The following ZFHX4 variants were observed in gnomAD, a reference collection of about 807,000 sequenced individuals.
The protein encoded by ZFHX4 is zinc finger homeobox 4.
ZFHX4 carries 56 observed loss-of-function variants against 267.6 expected under a neutral mutation model. That is an observed-to-expected ratio of 0.21 (90% CI 0.17 to 0.26). ZFHX4 has a LOEUF of 0.26. ZFHX4 is among the 10% of genes least tolerant of loss of function. ZFHX4 has a pLI of 1.00. For missense variants in ZFHX4, 4,332 were observed against 4,420.0 expected (o/e 0.98, Z 0.56); for synonymous variants, 1,778 against 1,665.6 (o/e 1.07, Z -1.64).
chr8:76,696,003 C>T (rs1385820381), intron 1 of ZFHX4, among the ~76,000 whole-genome samples: 2 of 152,134 alleles, frequency 1.3e-5, no homozygotes, highest in Non-Finnish European at 2.9e-5. Context: ...TTGGTGCTAA[C>T]TAATCATTTA....
chr8:76,831,783 C>CCT (rs1811939525), intron 4 of ZFHX4, among the ~76,000 whole-genome samples: 1 of 152,046 alleles, frequency 6.6e-6, no homozygotes, highest in African/African-American at 2.4e-5. Flanking sequence ...AGGAGGCTCA[C>CCT]AGAGGAAGAC....
intron 3 of ZFHX4, among the ~76,000 whole-genome samples, chr8:76,776,807 A>G (rs1211017510): frequency 2.0e-5 from 3 of 152,120 alleles, no homozygotes; most frequent in Non-Finnish European, 2.9e-5. Context: ...AAAAATACTA[A>G]AAGTGTCCAT....
In ZFHX4 at chr8:76,852,988, G is replaced by T. The variant is rs1021638009; in HGVS notation, c.6067G>T (p.Gly2023Cys). Residue 2023 changes from glycine to cysteine, a missense_variant, in exon 10 of 11, where the codon GGT becomes TGT. Physicochemically the swap from Gly to Cys is radical, Grantham distance 159. Around this residue, in one of 7 missense-constraint regions of ZFHX4, gnomAD observed 1,371 missense variants for 1,423.1 expected, o/e 0.96. Coordinates refer to ENST00000651372, the MANE Select transcript of ZFHX4 (RefSeq NM_024721.5). Reference protein sequence around the residue: ...PPAPPQPSSMGPVKIPNTVST... With the variant: ...PPAPPQPSSMCPVKIPNTVST... ...GGCTCCTCCACAGCCTTCTTCTATG[G>T]GTCCTGTAAAGATCCCCAACACGGT... The T allele has an allele frequency of 8.4e-6, 13 of 1,547,248 alleles. No individual in the cohort carries two copies. The Admixed American group carries it at 2.5e-4, about 30-fold the overall frequency.
chr8:76,702,664 C>T (rs1010738591), intron 1 of ZFHX4, among the ~76,000 whole-genome samples: 1 of 152,092 alleles, frequency 6.6e-6, no homozygotes, highest in East Asian at 1.9e-4. Flanking sequence ...AATATAGCAA[C>T]ATTAATCTTT....
At chr8:76,707,333 A>G (rs752633003) in intron 2 of ZFHX4, among the ~76,000 whole-genome samples, 2 of 152,206 alleles carry the variant, frequency 1.3e-5, no homozygotes, top group Admixed American at 1.3e-4. Flanking sequence ...GAATGACATC[A>G]TGCCCAGTAG....
chr8:76,727,390 CATA>C (rs1251007563), intron 3 of ZFHX4, among the ~76,000 whole-genome samples: 5 of 152,056 alleles, frequency 3.3e-5, no homozygotes, highest in African/African-American at 1.2e-4. Context: ...TCAACAAAAA[CATA>C]ATAATATAGA....
At position 76,851,831 on chromosome 8, in the gene ZFHX4, G is replaced by A. The variant is rs747016805; in HGVS notation, c.4910G>A (p.Ser1637Asn). ...AGTGGTCATGTGGCTGGTGGGCACA[G>A]CATTGCAGCAAATGTCAACAGCCCT... ...EPSGHVAGGH[S>N]IAANVNSPGQ... is the part of the protein sequence containing the mutation. Residue 1637 changes from serine to asparagine, a missense_variant, in exon 10 of 11, where the codon AGC (serine) becomes AAC (asparagine). Transcript: ENST00000651372. The A allele has an allele frequency of 1.9e-6, 3 of 1,613,938 alleles. No homozygotes were observed. Among genetic ancestry groups the A allele is most frequent in the Admixed American group, 3.3e-5 (2 of 60,030 alleles).
chr8:76,709,802 CGTGT>C (rs34448728), intron 3 of ZFHX4, among the ~76,000 whole-genome samples: 6,866 of 140,124 alleles, frequency 0.049, 160 homozygotes, highest in East Asian at 0.11. Context: ...CGTGTGTGTG[CGTGT>C]GTGTGTGTGT....
At chr8:76,791,850 A>G (rs1001851548) in intron 4 of ZFHX4, among the ~76,000 whole-genome samples, 11 of 152,190 alleles carry the variant, frequency 7.2e-5, no homozygotes, top group African/African-American at 2.7e-4. Context: ...AAAGTTGCAC[A>G]TTATATTATG....
rs1808205564 is a variant in ZFHX4 at position 76,704,844 on chromosome 8, G to A, written c.756G>A (p.Val252=). ...ATGGCTCAGCCAAAAACTCCTGTGT[G>A]TCCAAAGATGTCCCTAACAATGTGG... ...TSDGSAKNSC[V]SKDVPNNVDL... The change falls in exon 2 of 11, where the codon GTG becomes GTA. Residue 252 remains valine, a synonymous_variant. Coordinates refer to ENST00000651372, the MANE Select transcript of ZFHX4 (RefSeq NM_024721.5). 1 of 1,614,192 alleles carries A rather than the reference G, an allele frequency of 6.2e-7. No individual in the cohort carries two copies. Among genetic ancestry groups the A allele is most frequent in the Non-Finnish European group, 8.5e-7 (1 of 1,180,034 alleles).
At chr8:76,737,246 C>G (rs768244444) in intron 3 of ZFHX4, among the ~76,000 whole-genome samples, 2 of 152,086 alleles carry the variant, frequency 1.3e-5, no homozygotes, top group Non-Finnish European at 2.9e-5. Context: ...TTGACCTTTC[C>G]TTAGTTATAA....
At chr8:76,759,442 T>C (rs1563505665) in intron 3 of ZFHX4, among the ~76,000 whole-genome samples, 1 of 152,238 alleles carries the variant, frequency 6.6e-6, no homozygotes, top group East Asian at 1.9e-4. Context: ...CATAGTGATC[T>C]ATGTTGTCAT....
At chr8:76,703,337 A>G (rs1222268337) in intron 1 of ZFHX4, among the ~76,000 whole-genome samples, 1 of 152,174 alleles carries the variant, frequency 6.6e-6, no homozygotes, top group African/African-American at 2.4e-5. Context: ...GGATGATAGG[A>G]CTGGTTGCAG....
At chr8:76,784,212 GTTTTA>G (rs141649405) in intron 4 of ZFHX4, among the ~76,000 whole-genome samples, 46 of 151,044 alleles carry the variant, frequency 3.0e-4, no homozygotes, top group Middle Eastern at 3.4e-3. Context: ...GGGGGTTAAA[GTTTTA>G]TTTTATTTTA....
chr8:76,746,303 G>A (rs184442729), intron 3 of ZFHX4, among the ~76,000 whole-genome samples: 126 of 152,244 alleles, frequency 8.3e-4, no homozygotes, highest in African/African-American at 2.7e-3. Flanking sequence ...TACTTGGGAG[G>A]CTGTGGTGGG....
chr8:76,857,702 C>T (rs985886930), intron 10 of ZFHX4, among the ~76,000 whole-genome samples: 1 of 152,076 alleles, frequency 6.6e-6, no homozygotes, highest in African/African-American at 2.4e-5. Context: ...ATACCAACTT[C>T]CCTCACCCCA....
chr8:76,840,821 A>C (rs554241270), intron 5 of ZFHX4, among the ~76,000 whole-genome samples: 1 of 152,318 alleles, frequency 6.6e-6, no homozygotes, highest in East Asian at 1.9e-4. Context: ...GGAGGGACAC[A>C]GCCCAATCCA....
intron 4 of ZFHX4, among the ~76,000 whole-genome samples, chr8:76,785,541 C>T (rs1456628451): frequency 2.0e-4 from 31 of 152,090 alleles, no homozygotes; most frequent in Admixed American, 2.0e-3. Context: ...AGTGGCTCTT[C>T]TTTTCTGAGA....
rs764442214 is a variant in ZFHX4, at chr8:76,851,656, C to T, written c.4735C>T (p.Pro1579Ser). The T allele has an allele frequency of 1.2e-6, 2 of 1,613,900 alleles. No homozygotes were observed. The highest frequency in any genetic ancestry group is 3.3e-5 in the Admixed American group (2 of 60,032). The change falls in exon 10 of 11, where the codon CCT becomes TCT. Residue 1579 changes from proline to serine, a missense_variant. Around this residue, in one of 7 missense-constraint regions of ZFHX4, gnomAD observed 1,371 missense variants for 1,423.1 expected, o/e 0.96. Coordinates refer to ENST00000651372, the MANE Select transcript of ZFHX4 (RefSeq NM_024721.5). ...AAAAGTTTTGCAGGAAGCCTCCAGTCCTGTCCCACAAGAAACCAACAGCAA... is the reference window on the plus strand; with the variant it reads ...AAAAGTTTTGCAGGAAGCCTCCAGTTCTGTCCCACAAGAAACCAACAGCAA... ...LKKVLQEASS[P>S]VPQETNSNTD... is the part of the protein sequence containing the mutation.
Sources: gnomAD v4.1 joint callset for allele counts (sites outside exome capture counted in the v4.1 genomes callset) on GRCh38, gnomAD v4.1.1 for gene constraint, gnomAD v4.1.1 regional missense constraint, MANE v1.5 for transcripts, NCBI Gene and HGNC (gene_info 2026-07-23, HGNC 2026-07-21) for gene names.